ME1: variants seen among roughly 807,000 people sequenced by gnomAD.
The protein encoded by ME1 is NADP-dependent malic enzyme.
A neutral mutation model predicts 66.4 loss-of-function variants in ME1; 74 were observed. The ratio of observed to expected loss-of-function variants is 1.11; its 90% CI spans 0.92 to 1.35. The LOEUF (loss-of-function observed/expected upper bound fraction) is 1.35, where lower values mean the gene tolerates loss of function less well. ME1 is among the 40% of genes most tolerant of loss of function. The pLI is 0.00. For missense variants in ME1, 750 were observed against 694.1 expected, an observed-to-expected ratio of 1.08 and a Z score of -0.90; for synonymous variants, 251 against 235.6, an observed-to-expected ratio of 1.07 and a Z score of -0.60.
At chr6:83,420,233 A>C (rs1337688200) in intron 1 of ME1, among the ~76,000 whole-genome samples, 1 of 152,034 alleles carries the variant, frequency 6.6e-6, no homozygotes, top group African/African-American at 2.4e-5. Context: ...ATGCCCAGCT[A>C]ATTTTTATAT....
intron 4 of ME1, among the ~76,000 whole-genome samples, chr6:83,351,183 T>A (rs1562487690): frequency 6.6e-6 from 1 of 151,962 alleles, no homozygotes; most frequent in Non-Finnish European, 1.5e-5. Context: ...CTGCGTGAGG[T>A]CAGGAGTTCA....
At chr6:83,225,736 C>T (rs547916972) in intron 11 of ME1, among the ~76,000 whole-genome samples, 1 of 150,512 alleles carries the variant, frequency 6.6e-6, no homozygotes, top group East Asian at 1.9e-4. Context: ...AAACAACTTT[C>T]TAATGTAACT....
chr6:83,383,395 A>C (rs1325070545), intron 3 of ME1, among the ~76,000 whole-genome samples: 2 of 151,946 alleles, frequency 1.3e-5, no homozygotes, highest in African/African-American at 4.8e-5. Context: ...TGTGGACTCA[A>C]AATGTACAGA....
chr6:83,352,955 C>T (rs1768828605), intron 3 of ME1, among the ~76,000 whole-genome samples: 1 of 152,114 alleles, frequency 6.6e-6, no homozygotes, highest in African/African-American at 2.4e-5. Context: ...CCCGGGTTTT[C>T]TCCCAAAGAC....
chr6:83,344,797 C>T (rs1252035338), intron 5 of ME1, among the ~76,000 whole-genome samples: 3 of 151,762 alleles, frequency 2.0e-5, no homozygotes, highest in East Asian at 3.9e-4. Context: ...GCAGGAGAAT[C>T]GCTTGAACCC....
At chr6:83,324,716 CAAAAAAAAAAAAAA>C (rs55866196) in intron 5 of ME1, among the ~76,000 whole-genome samples, 34 of 49,308 alleles carry the variant, frequency 6.9e-4, no homozygotes, top group African/African-American at 2.6e-3. Context: ...GCCTACCAAC[CAAAAAAAAAAAAAA>C]AAAAAAAAAA....
At position 83,291,279 on chromosome 6, in the gene ME1, A is replaced by G. The variant is rs1319786709; in HGVS notation, c.704+24031T>C. Reference sequence around the variant, plus strand: ...GTACCAGTTGTTCCTATCCATGTTTAGTGCTTCCTTCAGAAGCTCTTGTAA... The same window carrying G: ...GTACCAGTTGTTCCTATCCATGTTTGGTGCTTCCTTCAGAAGCTCTTGTAA... On this transcript the variant is annotated intron_variant, in intron 6 of 13. Coordinates refer to ENST00000369705, the MANE Select transcript of ME1 (RefSeq NM_002395.6). Among the ~76,000 whole-genome samples, 4 of 152,286 alleles carry G rather than the reference A, an allele frequency of 2.6e-5. No individual in the cohort carries two copies. The East Asian group carries it at 5.8e-4, about 22-fold the overall frequency.
chr6:83,423,832 A>T (rs1309977432), intron 1 of ME1, among the ~76,000 whole-genome samples: 1 of 151,956 alleles, frequency 6.6e-6, no homozygotes, highest in Admixed American at 6.6e-5. Flanking sequence ...AAAATAAATA[A>T]AAGTTACAGG....
intron 5 of ME1, among the ~76,000 whole-genome samples, chr6:83,330,530 G>A (rs1352281099): frequency 6.6e-6 from 1 of 152,160 alleles, no homozygotes; most frequent in African/African-American, 2.4e-5. Context: ...ACATGCCCCT[G>A]ATAATTCTGA....
chr6:83,417,947 C>A (rs1308591469), intron 1 of ME1, among the ~76,000 whole-genome samples: 1 of 152,088 alleles, frequency 6.6e-6, no homozygotes, highest in African/African-American at 2.4e-5. Flanking sequence ...TTTAAGGAGA[C>A]CACAGACTTC....
intron 6 of ME1, among the ~76,000 whole-genome samples, chr6:83,297,518 G>A (rs1767621025): frequency 6.6e-6 from 1 of 152,032 alleles, no homozygotes; most frequent in African/African-American, 2.4e-5. Flanking sequence ...CCTAAGCAAA[G>A]AGACTAATGG....
intron 12 of ME1, among the ~76,000 whole-genome samples, chr6:83,216,884 T>C (rs1443092253): frequency 3.9e-5 from 6 of 152,084 alleles, no homozygotes; most frequent in Admixed American, 6.6e-5. Flanking sequence ...TACTTTCCAA[T>C]TGATACATTA....
chr6:83,216,732 C>T, intron 12 of ME1, 136 bp from the exon 13 acceptor site: 2 of 563,092 alleles, frequency 3.6e-6, no homozygotes, highest in Non-Finnish European at 6.1e-6. Context: ...TACCTAATTT[C>T]ATCCCCACTT....
intron 1 of ME1, among the ~76,000 whole-genome samples, chr6:83,421,320 A>G (rs1770262729): frequency 6.6e-6 from 1 of 152,152 alleles, no homozygotes; most frequent in Non-Finnish European, 1.5e-5. Context: ...ATTGCCTGGT[A>G]TTTTTCTTCT....
At chr6:83,361,354 C>T (rs1368679232) in intron 3 of ME1, among the ~76,000 whole-genome samples, 1 of 152,140 alleles carries the variant, frequency 6.6e-6, no homozygotes, top group Non-Finnish European at 1.5e-5. Context: ...CCTAGTAGGC[C>T]GATTTGATTT....
At chr6:83,255,076 T>C (rs1438924706) in intron 6 of ME1, among the ~76,000 whole-genome samples, 1 of 152,136 alleles carries the variant, frequency 6.6e-6, no homozygotes, top group African/African-American at 2.4e-5. Context: ...TATGTTAATT[T>C]ATATATAATT....
At chr6:83,360,646 A>G (rs528878526) in intron 3 of ME1, among the ~76,000 whole-genome samples, 2 of 152,344 alleles carry the variant, frequency 1.3e-5, no homozygotes, top group South Asian at 2.1e-4. Context: ...ATCAAAAACT[A>G]TATCGCATCC....
chr6:83,294,849 T>C (rs376513356), intron 6 of ME1, among the ~76,000 whole-genome samples: 1 of 151,908 alleles, frequency 6.6e-6, no homozygotes, highest in East Asian at 1.9e-4. Flanking sequence ...TCTCTCTGGG[T>C]TAGAGCCCCA....
chr6:83,211,406 A>G lies in ME1; in HGVS notation c.*518T>C, dbSNP rs1789868183. The G allele has an allele frequency of 2.0e-5, 3 of 152,700 alleles. No individual in the cohort carries two copies. The highest frequency in any genetic ancestry group is 2.1e-4 in the South Asian group (1 of 4,836). The allele number at this position is 152,700 out of a possible 1,614,324, so 9.5% of individuals were successfully genotyped here. A position where few individuals can be genotyped will look rare whatever the true frequency, so the allele number is the denominator to read the frequency against. ...AGAACTGTTAGAATTCCGTTGCACA[A>G]AAGAACATATATGATCTAGGACTGG... On this transcript the variant is annotated 3_prime_UTR_variant, in exon 14 of 14. Coordinates refer to ENST00000369705, the MANE Select transcript of ME1 (RefSeq NM_002395.6).
Sources: allele counts gnomAD v4.1 joint callset (sites outside exome capture counted in the v4.1 genomes callset), GRCh38; gene constraint gnomAD v4.1.1; transcripts MANE v1.5; gene names NCBI Gene and HGNC (gene_info 2026-07-23, HGNC 2026-07-21).